The following MICAL3 variants were observed in gnomAD, a reference collection of about 807,000 sequenced individuals.
MICAL3 encodes the protein [F-actin]-monooxygenase MICAL3.
MICAL3 carries 62 observed loss-of-function variants against 207.4 expected under a neutral mutation model. The observed-to-expected ratio is 0.30, with a 90% CI of 0.24 to 0.37. MICAL3 has a LOEUF of 0.37. MICAL3 is among the 10% of genes least tolerant of loss of function. The pLI, the probability that MICAL3 is intolerant of heterozygous loss-of-function variation, is 1.00. For synonymous variants in MICAL3, 1,077 were observed against 1,069.3 expected (o/e 1.01, Z -0.14); for missense variants, 2,368 against 2,635.6 (o/e 0.90, Z 2.22).
rs374116975 is a variant in MICAL3, at chr22:17,841,156, C to T, written c.2801+666G>A. Reference sequence around the variant, plus strand: ...TCTGTCCTGAAGCCCCACAGGACACCGGACCCCCTTTTGATTCTTGGCTCT... The same window carrying T: ...TCTGTCCTGAAGCCCCACAGGACACTGGACCCCCTTTTGATTCTTGGCTCT... On this transcript the variant is annotated intron_variant, in intron 20 of 31. Coordinates refer to ENST00000441493, the MANE Select transcript of MICAL3 (RefSeq NM_015241.3). The surrounding 1 kb of genome is among the most constrained non-coding windows in gnomAD (Gnocchi z 4.2). 1.6e-4 allele frequency: 25 copies of T among 152,812 alleles called. No homozygotes were observed. Among genetic ancestry groups the T allele is most frequent in the African/African-American group, 5.8e-4 (24 of 41,550 alleles). 9.5% of individuals were successfully genotyped at this position (152,812 alleles called of 1,614,324 possible).
intron 1 of MICAL3, among the ~76,000 whole-genome samples, chr22:17,935,159 C>G (rs1035350740): frequency 6.6e-6 from 1 of 152,110 alleles, no homozygotes; most frequent in Non-Finnish European, 1.5e-5. Flanking sequence ...GGAGGGATCA[C>G]GCTATCTGAC....
chr22:17,958,341 T>G (rs1037781200), intron 1 of MICAL3, among the ~76,000 whole-genome samples: 1 of 152,208 alleles, frequency 6.6e-6, no homozygotes, highest in African/African-American at 2.4e-5. Flanking sequence ...TCAGAGAGAC[T>G]GAGTTGAACG....
chr22:17,968,726 G>T (rs75615099), intron 1 of MICAL3, among the ~76,000 whole-genome samples: 1,644 of 152,210 alleles, frequency 0.011, 30 homozygotes, highest in African/African-American at 0.037. Context: ...TCCTCAAACA[G>T]ATGTGGCCAC....
At chr22:17,889,909 ATT>A (rs1930254059) in intron 12 of MICAL3, among the ~76,000 whole-genome samples, 2 of 152,296 alleles carry the variant, frequency 1.3e-5, no homozygotes, top group South Asian at 4.1e-4. Context: ...TACATCTCCC[ATT>A]TGGATCAGAT....
At chr22:17,977,104 G>C (rs1935694521) in intron 1 of MICAL3, among the ~76,000 whole-genome samples, 1 of 152,138 alleles carries the variant, frequency 6.6e-6, no homozygotes, top group African/African-American at 2.4e-5. Context: ...GCCCGGCAGA[G>C]ACTTAACTAC....
In MICAL3 at chr22:17,986,579, G is replaced by C. The variant is rs574587972; in HGVS notation, c.-75+37702C>G. Among the ~76,000 whole-genome samples, 46 of 151,994 alleles carry C rather than the reference G, an allele frequency of 3.0e-4. 1 individual carries two copies. Among genetic ancestry groups the C allele is most frequent in the Non-Finnish European group, 5.9e-4 (40 of 68,010 alleles). On this transcript the variant is annotated intron_variant, in intron 1 of 31. Transcript: ENST00000441493. ...ACAGGGTCCCGATCCCATCTAAGTAGGCTGAAGGCAAAGACTGAGCATTTA... is the reference window on the plus strand; with the variant it reads ...ACAGGGTCCCGATCCCATCTAAGTACGCTGAAGGCAAAGACTGAGCATTTA...
At chr22:17,874,951 A>G (rs962575635) in intron 16 of MICAL3, among the ~76,000 whole-genome samples, 5 of 152,178 alleles carry the variant, frequency 3.3e-5, no homozygotes, top group Admixed American at 1.3e-4. Flanking sequence ...AGACCTTCCA[A>G]TCTCTCTAGA....
At chr22:17,820,931 A>C (rs966131355) in intron 25 of MICAL3, among the ~76,000 whole-genome samples, 8 of 142,582 alleles carry the variant, frequency 5.6e-5, no homozygotes, top group African/African-American at 2.1e-4. Flanking sequence ...CATAAATTTT[A>C]ATAAATTTAT....
intron 11 of MICAL3, 37 bp downstream of exon 11, chr22:17,893,771 G>C: frequency 1.4e-6 from 2 of 1,430,524 alleles, no homozygotes; most frequent in Non-Finnish European, 1.9e-6. Flanking sequence ...CTCTGAAGGG[G>C]CTGCCTGCAT....
At chr22:18,022,635 G>T (rs1924557791) in intron 1 of MICAL3, among the ~76,000 whole-genome samples, 1 of 152,070 alleles carries the variant, frequency 6.6e-6, no homozygotes, top group Admixed American at 6.6e-5. Flanking sequence ...CACTATGTTG[G>T]CCAGGCTGGT....
chr22:17,973,956 AAAAC>A (rs1935528036), intron 1 of MICAL3, among the ~76,000 whole-genome samples: 2 of 152,164 alleles, frequency 1.3e-5, no homozygotes, highest in South Asian at 4.1e-4. Context: ...ACATAAATAA[AAAAC>A]AAGTCCCCTG....
intron 19 of MICAL3, among the ~76,000 whole-genome samples, chr22:17,856,541 C>A (rs1250614634): frequency 6.6e-6 from 1 of 151,926 alleles, no homozygotes; most frequent in Non-Finnish European, 1.5e-5. Context: ...GCTGAACTGG[C>A]CAAAAGGAAG....
rs5992937 is a variant in MICAL3 at position 17,977,340 on chromosome 22, A to T, written c.-75+46941T>A. Among the ~76,000 whole-genome samples the T allele has an allele frequency of 7.8e-3, 1,195 of 152,324 alleles. 15 individuals carry two copies. Among genetic ancestry groups the T allele is most frequent in the African/African-American group, 0.024 (1,018 of 41,556 alleles). ...AGACATAAAGAACTCTTACAACTCA[A>T]TAATAAAAAGGTAACCCAACTTTTT... On this transcript the variant is annotated intron_variant, in intron 1 of 31. Transcript: ENST00000441493.
rs2061805448 is a variant in MICAL3, at chr22:17,788,932, G to C, written c.*1800C>G. 6.6e-6 allele frequency: 1 copy of C among 152,526 alleles called. No individual in the cohort carries two copies. The highest frequency in any genetic ancestry group is 2.4e-5 in the African/African-American group (1 of 41,492). 9.4% of individuals were successfully genotyped at this position (152,526 alleles called of 1,614,324 possible). On this transcript the variant is annotated 3_prime_UTR_variant, in exon 32 of 32. Transcript: ENST00000441493. ...TGCTCCCAGCTGGCCCCAGCCCACG[G>C]AGGCGGCAGGCGGCTGGAGCGCCCC...
At chr22:18,000,364 TGTG>T (rs1922806290) in intron 1 of MICAL3, among the ~76,000 whole-genome samples, 1 of 152,142 alleles carries the variant, frequency 6.6e-6, no homozygotes, top group East Asian at 1.9e-4. Context: ...AGAACACAAA[TGTG>T]GTTTGAACTC....
At chr22:17,887,512 C>T (rs751587616) in intron 13 of MICAL3, 77 bp from the exon 14 acceptor site, 13 of 903,580 alleles carry the variant, frequency 1.4e-5, no homozygotes, top group Admixed American at 6.6e-5. Flanking sequence ...TACTCTCCCT[C>T]GTGGATGGTT....
At chr22:17,803,262 T>C (rs2061957944) in intron 29 of MICAL3, among the ~76,000 whole-genome samples, 1 of 152,046 alleles carries the variant, frequency 6.6e-6, no homozygotes, top group African/African-American at 2.4e-5. Context: ...GGGAGGGACG[T>C]TGTTATGGGC....
Position 17,817,874 on chromosome 22 carries a change from C to G in MICAL3, c.4787G>C (p.Arg1596Pro). 6.2e-7 allele frequency: 1 copy of G among 1,612,314 alleles called. No individual in the cohort carries two copies. Among genetic ancestry groups the G allele is most frequent in the Non-Finnish European group, 8.5e-7 (1 of 1,179,730 alleles). ...CACGGACTTCTCCCTGGCTCGCATGCGCTCCTCGGCCAACTCCTTGGCTTC... is the reference window on the plus strand; with the variant it reads ...CACGGACTTCTCCCTGGCTCGCATGGGCTCCTCGGCCAACTCCTTGGCTTC... ...SAEAKELAEE[R>P]MRAREKSVKS... is the part of the protein sequence containing the mutation. The change falls in exon 26 of 32, where the codon CGC (arginine) becomes CCC (proline). Residue 1596 changes from arginine to proline, a missense_variant. Around this residue, in one of 4 missense-constraint regions of MICAL3, gnomAD observed 1,770 missense variants for 1,863.2 expected, o/e 0.95. Transcript: ENST00000441493.
intron 1 of MICAL3, among the ~76,000 whole-genome samples, chr22:17,907,160 G>A (rs949748804): frequency 2.0e-5 from 3 of 152,130 alleles, no homozygotes; most frequent in Non-Finnish European, 4.4e-5. Context: ...ACTAGAGAGG[G>A]AGACACAAGG....
Sources: allele counts gnomAD v4.1 joint callset (sites outside exome capture counted in the v4.1 genomes callset), GRCh38; gene constraint gnomAD v4.1.1; regional missense constraint gnomAD v4.1.1; non-coding constraint Gnocchi (gnomAD v3.1); transcripts MANE v1.5; gene names NCBI Gene and HGNC (gene_info 2026-07-23, HGNC 2026-07-21).